The following CDADC1 variants were observed in gnomAD, a reference collection of about 807,000 sequenced individuals.
CDADC1 encodes dCTP deaminase.
In CDADC1, 39 loss-of-function variants were observed where a neutral mutation model predicts 54.9. The observed-to-expected ratio is 0.71, with a 90% CI of 0.55 to 0.93. The LOEUF (loss-of-function observed/expected upper bound fraction) is 0.93, where lower values mean the gene tolerates loss of function less well. Ranked by LOEUF, CDADC1 falls within the 40% of genes least tolerant of loss-of-function variation. CDADC1 has a pLI of 0.00. For missense variants in CDADC1, 518 were observed against 618.8 expected (o/e 0.84, Z 1.73); for synonymous variants, 186 against 204.0 (o/e 0.91, Z 0.75).
intron 9 of CDADC1, among the ~76,000 whole-genome samples, chr13:49,290,285 G>A (rs1266490141): frequency 6.6e-6 from 1 of 151,780 alleles, no homozygotes; most frequent in Non-Finnish European, 1.5e-5. Flanking sequence ...ACATAATGTA[G>A]TTTTATTCAG....
intron 4 of CDADC1, 57 bp downstream of exon 4, chr13:49,259,580 G>T: frequency 6.5e-7 from 1 of 1,536,516 alleles, no homozygotes; most frequent in Non-Finnish European, 8.9e-7. Context: ...GATGGGCGTG[G>T]TGGTTTATGC....
At position 49,255,950 on chromosome 13, in the gene CDADC1, TAAC is replaced by T. The variant is rs2138197971; in HGVS notation, c.252+40_252+42del. ...TGATTTCACATATATATGCTCATAA[TAAC>T]AAAGCAAAAGGAATAGTATAAAGTA... On this transcript the variant is annotated intron_variant, in intron 3 of 9. Coordinates refer to ENST00000251108, the MANE Select transcript of CDADC1 (RefSeq NM_030911.4). The T allele has an allele frequency of 3.1e-6, 5 of 1,593,382 alleles. No individual in the cohort carries two copies. The East Asian group carries it at 1.1e-4, about 36-fold the overall frequency.
Position 49,267,909 on chromosome 13 carries a change from G to T in CDADC1, c.850G>T (p.Ala284Ser). ...QNMKDLILLL[A>S]TVASSVPNFK... ...CATGAAAGACCTTATCCTACTTTTG[G>T]CCACAGTAGCTTCCAGTGTGCCGAA... Residue 284 changes from alanine (A) to serine (S), a missense_variant, in exon 5 of 10, where the codon GCC (alanine) becomes TCC (serine). By Grantham distance (99) the Ala-to-Ser change is moderately conservative (BLOSUM62 1). Coordinates refer to ENST00000251108, the MANE Select transcript of CDADC1 (RefSeq NM_030911.4). The T allele has an allele frequency of 6.2e-7, 1 of 1,614,054 alleles. No homozygotes were observed. The highest frequency in any genetic ancestry group is 8.5e-7 in the Non-Finnish European group (1 of 1,179,996).
chr13:49,267,355 A>T, intron 4 of CDADC1, 135 bp from the exon 5 acceptor site: 1 of 765,728 alleles, frequency 1.3e-6, no homozygotes, highest in Non-Finnish European at 2.0e-6. Context: ...CTCAGGCTAT[A>T]TAATAGGTGA....
chr13:49,291,730 C>T lies in CDADC1; in HGVS notation c.1518C>T (p.Asp506=). The T allele has an allele frequency of 1.2e-6, 2 of 1,614,098 alleles. No homozygotes were observed. The highest frequency in any genetic ancestry group is 1.7e-6 in the Non-Finnish European group (2 of 1,179,996). ...CACAGAAGGAAGAGCAGCACCAGGA[C>T]AAGAAGCTGCGCCTCGGAATCCACT... ...PVPQKEEQHQ[D]KKLRLGIH Residue 506 remains aspartate (D), a synonymous_variant, in exon 10 of 10, where the codon GAC becomes GAT. Transcript: ENST00000251108.
intron 4 of CDADC1, among the ~76,000 whole-genome samples, chr13:49,261,755 G>A (rs1057461406): frequency 1.3e-5 from 2 of 152,238 alleles, no homozygotes; most frequent in Admixed American, 1.3e-4. Context: ...TGAGCTAACT[G>A]TGCTGAAAGC....
intron 2 of CDADC1, 138 bp from the exon 3 acceptor site, chr13:49,255,701 G>A: frequency 2.1e-6 from 2 of 973,542 alleles, no homozygotes; most frequent in Admixed American, 2.7e-5. Flanking sequence ...CAAACAAAGT[G>A]GGAAGTCAAT....
In CDADC1 at chr13:49,267,957, C is replaced by A. The variant is rs369638344; in HGVS notation, c.898C>A (p.Arg300Ser). Residue 300 changes from arginine to serine, a missense_variant, in exon 5 of 10, where the codon CGT becomes AGT. Transcript: ENST00000251108. ...VPNFKHFGFY[R>S]SNPEQINEIH... The stretch of plus-strand genomic sequence containing the variant: ...GAACTTTAAACACTTCGGATTTTAC[C>A]GTAGCAATCCAGAACAGATTAATGA... 1 of 1,613,902 alleles carries A rather than the reference C, an allele frequency of 6.2e-7. No individual in the cohort carries two copies. Among genetic ancestry groups the A allele is most frequent in the Non-Finnish European group, 8.5e-7 (1 of 1,179,980 alleles).
At chr13:49,283,235 GTGTC>G (rs1415005747) in intron 8 of CDADC1, among the ~76,000 whole-genome samples, 2 of 151,940 alleles carry the variant, frequency 1.3e-5, no homozygotes, top group Non-Finnish European at 2.9e-5. Context: ...ATACTATCCA[GTGTC>G]TGTCATGTGT....
chr13:49,267,922 C>G lies in CDADC1; in HGVS notation c.863C>G (p.Ser288Cys). ...DLILLLATVA[S>C]SVPNFKHFGF... The stretch of plus-strand genomic sequence containing the variant: ...ATCCTACTTTTGGCCACAGTAGCTT[C>G]CAGTGTGCCGAACTTTAAACACTTC... The change falls in exon 5 of 10, where the codon TCC becomes TGC. Residue 288 changes from serine (S) to cysteine (C), a missense_variant. Physicochemically the swap from Ser to Cys is moderately radical, Grantham distance 112 (BLOSUM62 -1). Transcript: ENST00000251108. The G allele has an allele frequency of 6.2e-7, 1 of 1,614,158 alleles. No homozygotes were observed. Among genetic ancestry groups the G allele is most frequent in the South Asian group, 1.1e-5 (1 of 91,084 alleles).
intron 6 of CDADC1, 106 bp from the exon 7 acceptor site, chr13:49,278,244 T>A: frequency 1.3e-6 from 1 of 761,178 alleles, no homozygotes. Context: ...TGTAGAAAAT[T>A]GAATGAATAT....
chr13:49,257,467 C>G (rs1846844255), intron 3 of CDADC1, among the ~76,000 whole-genome samples: 1 of 152,178 alleles, frequency 6.6e-6, no homozygotes, highest in African/African-American at 2.4e-5. Flanking sequence ...AGCATTACTT[C>G]TTTTCCAAGA....
intron 9 of CDADC1, among the ~76,000 whole-genome samples, chr13:49,286,975 G>A (rs774694701): frequency 2.6e-5 from 4 of 152,212 alleles, no homozygotes; most frequent in Non-Finnish European, 5.9e-5. Flanking sequence ...GGGATCACTT[G>A]AAATCAGGAG....
Position 49,247,931 on chromosome 13 carries a change from C to G in CDADC1, c.-107C>G. The G allele has an allele frequency of 1.0e-6, 1 of 959,582 alleles. No homozygotes were observed. The highest frequency in any genetic ancestry group is 1.6e-6 in the Non-Finnish European group (1 of 615,530). 59.4% of individuals were successfully genotyped at this position (959,582 alleles called of 1,614,324 possible). On this transcript the variant is annotated 5_prime_UTR_variant, in exon 1 of 10. Coordinates refer to ENST00000251108, the MANE Select transcript of CDADC1 (RefSeq NM_030911.4). ...GCGTCATCTGGCTGCGCCTAGTGGG[C>G]CGTTGCCTTACAGTTGCTGAGAGGA...
At chr13:49,251,268 C>T (rs531272082) in intron 2 of CDADC1, among the ~76,000 whole-genome samples, 22 of 151,798 alleles carry the variant, frequency 1.4e-4, no homozygotes, top group Admixed American at 3.9e-4. Flanking sequence ...AGTAGCTGGG[C>T]GTGGTGGTGC....
At chr13:49,256,811 G>A (rs144735849) in intron 3 of CDADC1, among the ~76,000 whole-genome samples, 5 of 152,128 alleles carry the variant, frequency 3.3e-5, no homozygotes, top group Admixed American at 6.5e-5. Flanking sequence ...GAGCCCAGTA[G>A]GAATATAGAA....
chr13:49,284,711 C>T (rs2138264743), intron 8 of CDADC1, among the ~76,000 whole-genome samples: 1 of 152,322 alleles, frequency 6.6e-6, no homozygotes, highest in African/African-American at 2.4e-5. Context: ...AGATGTCCTC[C>T]CTTTCCAGGG....
chr13:49,281,139 T>A (rs1953321113), intron 8 of CDADC1, among the ~76,000 whole-genome samples: 1 of 152,134 alleles, frequency 6.6e-6, no homozygotes, highest in Non-Finnish European at 1.5e-5. Flanking sequence ...CGGCCGAGTT[T>A]CAACAAATTA....
rs565799159 is a variant in CDADC1, at chr13:49,249,295, G to T, written c.177+330G>T. ...CTAGGTAGTTTACTCCTCTGCCACA[G>T]AAATATATAAATTGCCTGGAGATAG... is the stretch of plus-strand genomic sequence containing the variant. On this transcript the variant is annotated intron_variant, in intron 2 of 9. Transcript: ENST00000251108. 7.9e-5 allele frequency among the ~76,000 whole-genome samples: 12 copies of T among 152,268 alleles called. No homozygotes were observed. The East Asian group carries it at 1.9e-3, about 24-fold the overall frequency.
Sources: gnomAD v4.1 joint callset for allele counts (sites outside exome capture counted in the v4.1 genomes callset) on GRCh38, gnomAD v4.1.1 for gene constraint, MANE v1.5 for transcripts, NCBI Gene and HGNC (gene_info 2026-07-23, HGNC 2026-07-21) for gene names.